Variants in TSHR observed in about 807,000 individuals in gnomAD.
The protein encoded by TSHR is thyrotropin receptor.
Under a neutral mutation model 64.1 loss-of-function variants are expected in TSHR, and 51 were observed. The ratio of observed to expected loss-of-function variants is 0.80; its 90% confidence interval spans 0.64 to 1.01. The LOEUF (loss-of-function observed/expected upper bound fraction) is 1.01. TSHR is among the 50% of genes least tolerant of loss of function. TSHR has a pLI of 0.00. For missense variants in TSHR, 877 were observed against 942.8 expected (o/e 0.93, Z 0.91); for synonymous variants, 361 against 361.9 (o/e 1.00, Z 0.03).
intron 3 of TSHR, among the ~76,000 whole-genome samples, chr14:81,086,029 G>A (rs759492673): frequency 2.0e-5 from 3 of 152,188 alleles, no homozygotes; most frequent in Admixed American, 6.5e-5. Context: ...TGTATAAAGA[G>A]GATCTTTCCA....
chr14:81,014,656 G>A (rs1890090637), intron 1 of TSHR, among the ~76,000 whole-genome samples: 1 of 152,114 alleles, frequency 6.6e-6, no homozygotes, highest in Admixed American at 6.6e-5. Flanking sequence ...GAGCAGAATG[G>A]CAACCAAACC....
chr14:81,108,552 A>T, intron 8 of TSHR, 100 bp downstream of exon 8: 1 of 1,607,854 alleles, frequency 6.2e-7, no homozygotes, highest in Non-Finnish European at 8.5e-7. Flanking sequence ...GTTCAAGGGT[A>T]GAAAATGTTG....
At chr14:81,060,586 C>G (rs1254336199) in intron 1 of TSHR, among the ~76,000 whole-genome samples, 2 of 152,090 alleles carry the variant, frequency 1.3e-5, no homozygotes, top group Non-Finnish European at 2.9e-5. Context: ...CTTTCTGATG[C>G]TTTGATTAGG....
intron 1 of TSHR, among the ~76,000 whole-genome samples, chr14:81,029,776 A>G (rs1234818914): frequency 6.6e-6 from 1 of 152,208 alleles, no homozygotes; most frequent in African/African-American, 2.4e-5. Context: ...TTTCTTAAAA[A>G]AATATACCCA....
At chr14:80,982,766 C>T in intron 1 of TSHR, 2 of 627,250 alleles carry the variant, frequency 3.2e-6, no homozygotes, top group Non-Finnish European at 2.7e-6. Flanking sequence ...TATTCTTTGC[C>T]TGTGGCAACA....
At chr14:81,100,373 G>C (rs1889499816) in intron 7 of TSHR, among the ~76,000 whole-genome samples, 1 of 152,104 alleles carries the variant, frequency 6.6e-6, no homozygotes. Context: ...AAAAATCAAG[G>C]TGTTTTTCTA....
intron 8 of TSHR, among the ~76,000 whole-genome samples, chr14:81,110,969 ACTTAT>A (rs1167795499): frequency 6.6e-6 from 1 of 152,216 alleles, no homozygotes; most frequent in African/African-American, 2.4e-5. Context: ...AATATATATT[ACTTAT>A]CTTCATTGCA....
At chr14:81,043,110 T>C (rs370060243) in intron 1 of TSHR, among the ~76,000 whole-genome samples, 15 of 152,208 alleles carry the variant, frequency 9.9e-5, no homozygotes, top group African/African-American at 2.9e-4. Context: ...GAGAAAGAAA[T>C]AAAGAGTATT....
chr14:81,123,040 T>C (rs1017014578), intron 8 of TSHR, among the ~76,000 whole-genome samples: 34 of 151,972 alleles, frequency 2.2e-4, no homozygotes, highest in African/African-American at 8.0e-4. Context: ...GGCACGAGAA[T>C]CGCTTGAACC....
At chr14:81,027,035 TC>T (rs1884098395) in intron 1 of TSHR, among the ~76,000 whole-genome samples, 1 of 97,064 alleles carries the variant, frequency 1.0e-5, no homozygotes, top group Non-Finnish European at 1.8e-5. Flanking sequence ...AAACTCCATC[TC>T]AAAAAAAAAA....
At chr14:80,965,429 C>T (rs1385741289) in intron 1 of TSHR, among the ~76,000 whole-genome samples, 4 of 152,148 alleles carry the variant, frequency 2.6e-5, no homozygotes, top group Non-Finnish European at 5.9e-5. Flanking sequence ...TTCTTCATGG[C>T]TCACACTTAG....
intron 3 of TSHR, among the ~76,000 whole-genome samples, chr14:81,073,763 G>T (rs1169078708): frequency 6.6e-6 from 1 of 152,034 alleles, no homozygotes; most frequent in Non-Finnish European, 1.5e-5. Context: ...TCCTTCATAA[G>T]AAGTTTATAT....
intron 7 of TSHR, among the ~76,000 whole-genome samples, chr14:81,097,000 A>G (rs1199439851): frequency 6.6e-6 from 1 of 151,962 alleles, no homozygotes; most frequent in African/African-American, 2.4e-5. Context: ...ATCTTTAATG[A>G]AGCCCAAAGC....
At chr14:80,990,761 T>C (rs113563934) in intron 1 of TSHR, among the ~76,000 whole-genome samples, 3 of 152,274 alleles carry the variant, frequency 2.0e-5, no homozygotes, top group African/African-American at 7.2e-5. Context: ...TTCAAGCGAT[T>C]CTCCTGCCTC....
chr14:81,114,545 C>G (rs371039840), intron 8 of TSHR, among the ~76,000 whole-genome samples: 10 of 151,954 alleles, frequency 6.6e-5, no homozygotes, highest in African/African-American at 1.7e-4. Context: ...ACGGAGTCTC[C>G]CTGATTGCTA....
intron 1 of TSHR, among the ~76,000 whole-genome samples, chr14:81,010,663 A>C (rs1167730488): frequency 1.3e-5 from 2 of 152,102 alleles, no homozygotes; most frequent in Non-Finnish European, 2.9e-5. Context: ...TTTCAAAATT[A>C]ATTCCTATTT....
chr14:81,108,396 C>T lies in TSHR; in HGVS notation c.636C>T (p.Tyr212=), dbSNP rs2140030686. 2 of 1,613,090 alleles carry T rather than the reference C, an allele frequency of 1.2e-6. No individual in the cohort carries two copies. Among genetic ancestry groups the T allele is most frequent in the Non-Finnish European group, 1.7e-6 (2 of 1,179,454 alleles). ...CTAGTTACCTAAACAAGAATAAATA[C>T]CTGACAGTTATTGACAAAGATGCAT... is the stretch of plus-strand genomic sequence containing the variant. The part of the protein sequence containing the change: ...LDAVYLNKNK[Y]LTVIDKDAFG... The change falls in exon 8 of 10, where the codon TAC becomes TAT. Residue 212 remains tyrosine, a synonymous_variant. Transcript: ENST00000298171.
intron 8 of TSHR, among the ~76,000 whole-genome samples, chr14:81,115,614 T>C (rs1352011901): frequency 1.3e-4 from 20 of 151,864 alleles, no homozygotes; most frequent in South Asian, 8.4e-4. Context: ...CTGCAGGATA[T>C]TATCCAGGAG....
At chr14:81,137,890 T>C (rs902813427) in intron 8 of TSHR, among the ~76,000 whole-genome samples, 7 of 152,164 alleles carry the variant, frequency 4.6e-5, no homozygotes, top group Non-Finnish European at 1.0e-4. Context: ...TGCTCTCCCG[T>C]TTCACTGACG....
Sources: gnomAD v4.1 joint callset for allele counts (sites outside exome capture counted in the v4.1 genomes callset) on GRCh38, gnomAD v4.1.1 for gene constraint, MANE v1.5 for transcripts, NCBI Gene and HGNC (gene_info 2026-07-23, HGNC 2026-07-21) for gene names.